The following ARHGEF17 variants were observed in gnomAD, a reference collection of about 807,000 sequenced individuals.
ARHGEF17 encodes Rho guanine nucleotide exchange factor 17.
In ARHGEF17, 80 loss-of-function variants were observed where a neutral mutation model predicts 174.0. The observed-to-expected ratio is 0.46, with a 90% CI of 0.38 to 0.55. The LOEUF (loss-of-function observed/expected upper bound fraction) is 0.55. Ranked by LOEUF, ARHGEF17 falls within the 20% of genes least tolerant of loss-of-function variation. The pLI is 0.00. For missense variants in ARHGEF17, 2,886 were observed against 2,839.7 expected, an observed-to-expected ratio of 1.02 and a Z score of -0.37; for synonymous variants, 1,311 against 1,189.1, an observed-to-expected ratio of 1.10 and a Z score of -2.11.
intron 9 of ARHGEF17, among the ~76,000 whole-genome samples, chr11:73,359,214 A>C (rs1008265840): frequency 1.3e-5 from 2 of 152,228 alleles, no homozygotes; most frequent in Non-Finnish European, 1.5e-5. Context: ...AAAAAGCAAA[A>C]AGACACTTCT....
At position 73,356,844 on chromosome 11, in the gene ARHGEF17, T is replaced by C. The variant is rs866436187; in HGVS notation, c.3891+85T>C. On this transcript the variant is annotated intron_variant, in intron 7 of 20. Transcript: ENST00000263674. ...TGCTCACACCCTCTACCTGCAGGTCTCCCTGCTCTTTCACCCCGAGGGGAG... is the reference window on the plus strand; with the variant it reads ...TGCTCACACCCTCTACCTGCAGGTCCCCCTGCTCTTTCACCCCGAGGGGAG... The C allele has an allele frequency of 3.3e-5, 52 of 1,582,906 alleles. No homozygotes were observed. In the Middle Eastern group the frequency reaches 6.1e-3, roughly 187 times the overall value.
chr11:73,364,650 C>T (rs753641462), intron 18 of ARHGEF17, 50 bp downstream of exon 18: 31 of 1,565,108 alleles, frequency 2.0e-5, no homozygotes, highest in South Asian at 2.4e-5. Flanking sequence ...GAGCTAGGTC[C>T]GTGTGACAGG....
intron 1 of ARHGEF17, among the ~76,000 whole-genome samples, chr11:73,339,543 C>T (rs1865337567): frequency 6.6e-6 from 1 of 152,140 alleles, no homozygotes; most frequent in Non-Finnish European, 1.5e-5. Flanking sequence ...AGCTGGAGGA[C>T]CAGGTGGCCC....
intron 1 of ARHGEF17, among the ~76,000 whole-genome samples, chr11:73,329,359 A>T (rs1231383653): frequency 0.026 from 70 of 2,686 alleles, 8 homozygotes; most frequent in African/African-American, 0.04. Flanking sequence ...ATATATATAT[A>T]TATATATATA....
chr11:73,336,057 C>T (rs1255780241), intron 1 of ARHGEF17, among the ~76,000 whole-genome samples: 1 of 152,218 alleles, frequency 6.6e-6, no homozygotes, highest in Non-Finnish European at 1.5e-5. Context: ...GAGAATACAG[C>T]CTCCTACCTT....
intron 2 of ARHGEF17, among the ~76,000 whole-genome samples, chr11:73,349,554 T>G (rs944698182): frequency 6.6e-6 from 1 of 151,980 alleles, no homozygotes; most frequent in African/African-American, 2.4e-5. Context: ...AGGCAGAGGT[T>G]GCAGCGAGCC....
Position 73,356,304 on chromosome 11 carries a change from G to T in ARHGEF17, c.3793G>T (p.Ala1265Ser). Residue 1265 changes from alanine (A) to serine (S), a missense_variant, in exon 6 of 21, where the codon GCC becomes TCC. Physicochemically the swap from Ala to Ser is moderately conservative, Grantham distance 99. This residue lies in a region of ARHGEF17 where 353 missense variants were observed against 470.3 expected (regional missense o/e 0.75). Coordinates refer to ENST00000263674, the MANE Select transcript of ARHGEF17 (RefSeq NM_014786.4). ...VRSAEEAERH[A>S]RVLQEIEAHI... ...GAGTGCCGAGGAGGCGGAGCGCCAT[G>T]CCCGTGTGCTGCAGGAGATAGAGGC... 1.2e-6 allele frequency: 2 copies of T among 1,613,240 alleles called. No homozygotes were observed. Among genetic ancestry groups the T allele is most frequent in the Non-Finnish European group, 8.5e-7 (1 of 1,180,026 alleles).
At chr11:73,362,376 C>A in intron 13 of ARHGEF17, 57 bp from the exon 14 acceptor site, 2 of 1,469,800 alleles carry the variant, frequency 1.4e-6, no homozygotes, top group Non-Finnish European at 1.8e-6. Context: ...GGCGTGTCCA[C>A]CACCGGGGCC....
intron 4 of ARHGEF17, 29 bp downstream of exon 4, chr11:73,355,678 G>A: frequency 6.2e-7 from 1 of 1,603,124 alleles, no homozygotes. Flanking sequence ...GGGGGATGGA[G>A]GTGACCCTCA....
In ARHGEF17 at chr11:73,308,498, C is replaced by G. The variant is rs1350445695; in HGVS notation, c.-141C>G. The G allele has an allele frequency of 4.1e-6, 3 of 739,190 alleles. No homozygotes were observed. Among genetic ancestry groups the G allele is most frequent in the Non-Finnish European group, 3.9e-6 (2 of 516,076 alleles). 45.8% of individuals were successfully genotyped at this position (739,190 alleles called of 1,614,324 possible). ...AACTTGAGCCGCGGCAGAGAAACCT[C>G]TGCTCCGGTCTCTGCGTCCTCTTCC... is the stretch of plus-strand genomic sequence containing the variant. On this transcript the variant is annotated 5_prime_UTR_variant, in exon 1 of 21. Transcript: ENST00000263674.
At chr11:73,315,423 C>T (rs1446259290) in intron 1 of ARHGEF17, among the ~76,000 whole-genome samples, 1 of 152,226 alleles carries the variant, frequency 6.6e-6, no homozygotes, top group African/African-American at 2.4e-5. Flanking sequence ...CAGCCAGCTC[C>T]CTGCCTTGCT....
chr11:73,364,117 G>A lies in ARHGEF17; in HGVS notation c.5334-55G>A, dbSNP rs1865796813. 5 of 1,575,522 alleles carry A rather than the reference G, an allele frequency of 3.2e-6. No homozygotes were observed. The South Asian group carries it at 4.4e-5, about 14-fold the overall frequency. ...CTATCTGTGGTTCCCCTGGTCCTGG[G>A]TGACCCACTTTGGCTGCCTGAACTC... On this transcript the variant is annotated intron_variant, in intron 16 of 20. Transcript: ENST00000263674.
chr11:73,331,183 A>G (rs1316836526), intron 1 of ARHGEF17, among the ~76,000 whole-genome samples: 1 of 152,122 alleles, frequency 6.6e-6, no homozygotes, highest in African/African-American at 2.4e-5. Flanking sequence ...GTGACCTTGG[A>G]TTGAGTCCCT....
intron 15 of ARHGEF17, 75 bp from the exon 16 acceptor site, chr11:73,363,672 C>A: frequency 6.3e-7 from 1 of 1,576,360 alleles, no homozygotes; most frequent in Non-Finnish European, 8.7e-7. Flanking sequence ...GTGCTAGGGG[C>A]AAAGAGGTGG....
At chr11:73,356,849 GC>G in intron 7 of ARHGEF17, 90 bp downstream of exon 7, 1 of 1,583,506 alleles carries the variant, frequency 6.3e-7, no homozygotes, top group Non-Finnish European at 8.7e-7. Flanking sequence ...AGGTCTCCCT[GC>G]TCTTTCACCC....
In ARHGEF17 at chr11:73,357,026, A is replaced by G; in HGVS notation, c.3893A>G (p.Lys1298Arg). Residue 1298 changes from lysine (K) to arginine (R), a missense_variant and splice_region_variant, in exon 8 of 21, where the codon AAG becomes AGG. Lys to Arg is a conservative substitution (Grantham distance 26, BLOSUM62 2). Coordinates refer to ENST00000263674, the MANE Select transcript of ARHGEF17 (RefSeq NM_014786.4). ...FLRQEMVIEV[K>R]AIGGKKDRSL... ...TGAATTCTGCCTTGGGCTCCACAGA[A>G]GGCGATCGGTGGCAAGAAGGACCGG... is the stretch of plus-strand genomic sequence containing the variant. The G allele has an allele frequency of 6.2e-7, 1 of 1,614,078 alleles. No individual in the cohort carries two copies. The highest frequency in any genetic ancestry group is 8.5e-7 in the Non-Finnish European group (1 of 1,179,958).
chr11:73,309,354 C>A lies in ARHGEF17; in HGVS notation c.716C>A (p.Ser239Tyr), dbSNP rs147871402. 2,996 of 1,606,222 alleles carry A rather than the reference C, an allele frequency of 1.9e-3. 34 individuals are homozygous for A. In the African/African-American group the frequency reaches 0.025, roughly 14 times the overall value. Residue 239 changes from serine to tyrosine, a missense_variant, in exon 1 of 21, where the codon TCC becomes TAC. Ser to Tyr is a moderately radical substitution (Grantham distance 144, BLOSUM62 -2). Coordinates refer to ENST00000263674, the MANE Select transcript of ARHGEF17 (RefSeq NM_014786.4). ...ASCSSSSIAA[S>Y]YPVSRSRAAS... ...TGCTCCTCCTCCTCCATCGCCGCCT[C>A]CTATCCTGTCAGCCGCAGTCGTGCT...
chr11:73,344,319 A>C (rs1012753172), intron 1 of ARHGEF17, among the ~76,000 whole-genome samples: 3 of 152,198 alleles, frequency 2.0e-5, no homozygotes, highest in Non-Finnish European at 4.4e-5. Context: ...AGTGACAGGG[A>C]GCTGGCCTTG....
intron 9 of ARHGEF17, among the ~76,000 whole-genome samples, chr11:73,358,449 G>T (rs1035559914): frequency 1.4e-4 from 19 of 137,044 alleles, no homozygotes; most frequent in Admixed American, 1.4e-3. Flanking sequence ...CCAAAGGTCC[G>T]CCTCTTTTTT....
Sources: allele counts gnomAD v4.1 joint callset (sites outside exome capture counted in the v4.1 genomes callset), GRCh38; gene constraint gnomAD v4.1.1; regional missense constraint gnomAD v4.1.1; transcripts MANE v1.5; gene names NCBI Gene and HGNC (gene_info 2026-07-23, HGNC 2026-07-21).